The following UNC45B variants were observed in gnomAD, a reference collection of about 807,000 sequenced individuals.
UNC45B encodes unc-45 myosin chaperone B, also known as protein unc-45 homolog B.
In UNC45B, 78 loss-of-function variants were observed where a neutral mutation model predicts 98.7. That is an observed-to-expected ratio of 0.79 (90% CI 0.66 to 0.95). The LOEUF (loss-of-function observed/expected upper bound fraction) is 0.95, where lower values mean the gene tolerates loss of function less well. Ranked by LOEUF, UNC45B falls within the 40% of genes least tolerant of loss-of-function variation. UNC45B has a pLI of 0.00. For synonymous variants in UNC45B, 462 were observed against 480.4 expected (o/e 0.96, Z 0.50); for missense variants, 1,225 against 1,184.9 (o/e 1.03, Z -0.50).
chr17:35,155,760 G>C (rs1370899337), intron 7 of UNC45B, among the ~76,000 whole-genome samples: 1 of 152,136 alleles, frequency 6.6e-6, no homozygotes, highest in East Asian at 1.9e-4. Flanking sequence ...AGTAGAGACA[G>C]GGTTTCTTCA....
At position 35,183,553 on chromosome 17, in the gene UNC45B, A is replaced by G; in HGVS notation, c.2500A>G (p.Lys834Glu). 6.3e-7 allele frequency: 1 copy of G among 1,585,092 alleles called. No homozygotes were observed. The highest frequency in any genetic ancestry group is 8.6e-7 in the Non-Finnish European group (1 of 1,165,600). The change falls in exon 19 of 20, where the codon AAG becomes GAG. Residue 834 changes from lysine (K) to glutamate (E), a missense_variant. Transcript: ENST00000394570. ...TCTGGCCATGCTGACAGCAGCACAC[A>G]AGAAACTGTGCCTCAAGATGACTCA... ...GALAMLTAAHKKLCLKMTQVT... is the reference protein window; with the variant it reads ...GALAMLTAAHEKLCLKMTQVT...
intron 12 of UNC45B, among the ~76,000 whole-genome samples, chr17:35,170,535 A>G (rs1268237673): frequency 1.3e-5 from 2 of 150,416 alleles, no homozygotes; most frequent in Non-Finnish European, 3.0e-5. Flanking sequence ...CAGCTAAAAA[A>G]AAAAAAAAAA....
chr17:35,160,241 T>A (rs2092093334), intron 8 of UNC45B, among the ~76,000 whole-genome samples: 1 of 152,208 alleles, frequency 6.6e-6, no homozygotes, highest in South Asian at 2.1e-4. Context: ...TTACATAAGA[T>A]AAGGTGAACA....
chr17:35,169,189 G>A (rs1329349519), intron 10 of UNC45B, among the ~76,000 whole-genome samples: 1 of 151,752 alleles, frequency 6.6e-6, no homozygotes, highest in Non-Finnish European at 1.5e-5. Context: ...ACAGATGCCT[G>A]CCACCACACC....
In UNC45B at chr17:35,186,304, C is replaced by A. The variant is rs201746299; in HGVS notation, c.2535C>A (p.Thr845=). 2 of 1,613,894 alleles carry A rather than the reference C, an allele frequency of 1.2e-6. No homozygotes were observed. Among genetic ancestry groups the A allele is most frequent in the East Asian group, 2.2e-5 (1 of 44,884 alleles). The change falls in exon 20 of 20, where the codon ACC becomes ACA. Residue 845 remains threonine, a synonymous_variant. Transcript: ENST00000394570. ...ACCTTTTTCCCTGCCTCCAGACAAC[C>A]CAGTGGTTGGAGATCCTCCAGCGGC... The part of the protein sequence containing the change: ...KLCLKMTQVT[T]QWLEILQRLC...
At position 35,186,481 on chromosome 17, in the gene UNC45B, G is replaced by A; in HGVS notation, c.2712G>A (p.Lys904=). The A allele has an allele frequency of 6.2e-7, 1 of 1,614,240 alleles. No homozygotes were observed. Among genetic ancestry groups the A allele is most frequent in the Non-Finnish European group, 8.5e-7 (1 of 1,180,048 alleles). Residue 904 remains lysine (K), a synonymous_variant, in exon 20 of 20, where the codon AAG becomes AAA. Transcript: ENST00000394570. The stretch of plus-strand genomic sequence containing the variant: ...TGGGCAAACAGGAGCCAGATGAGAA[G>A]AAGGCAGAAGTGGTTCAGACAGCCC... ...TVVGKQEPDE[K]KAEVVQTARE...
intron 9 of UNC45B, among the ~76,000 whole-genome samples, chr17:35,167,174 C>T (rs962447267): frequency 6.6e-6 from 1 of 152,206 alleles, no homozygotes; most frequent in African/African-American, 2.4e-5. Context: ...CACGCTAGGC[C>T]TTTTTGTGTT....
Position 35,186,628 on chromosome 17 carries a change from T to C in UNC45B, c.*69T>C, listed in dbSNP as rs773151828. 2 of 1,561,338 alleles carry C rather than the reference T, an allele frequency of 1.3e-6. No individual in the cohort carries two copies. Among genetic ancestry groups the C allele is most frequent in the African/African-American group, 1.4e-5 (1 of 73,744 alleles). On this transcript the variant is annotated 3_prime_UTR_variant, in exon 20 of 20. Transcript: ENST00000394570. Reference sequence around the variant, plus strand: ...GAGTCCTGGGTTGGTTGGGTTCTCCTGAAGAGTCAGGTCATCTAGGGATCA... The same window carrying C: ...GAGTCCTGGGTTGGTTGGGTTCTCCCGAAGAGTCAGGTCATCTAGGGATCA...
rs140495399 is a variant in UNC45B, at chr17:35,180,604, C to A, written c.2301C>A (p.Tyr767Ter). The change falls in exon 18 of 20, where the codon TAC (tyrosine) becomes TAA (stop). Residue 767 changes from tyrosine (Y) to a stop codon, truncating the protein, a stop_gained. Coordinates refer to ENST00000394570, the MANE Select transcript of UNC45B (RefSeq NM_001267052.2). LOFTEE classifies it high-confidence loss of function. ...KERALPDIEN[Y>*]MFENHDQLRQ... ...GGGCCTTGCCAGACATCGAGAACTA[C>A]ATGTTTGAGAATCATGATCAGCTGC... is the stretch of plus-strand genomic sequence containing the variant. 6.2e-7 allele frequency: 1 copy of A among 1,613,954 alleles called. No homozygotes were observed. The highest frequency in any genetic ancestry group is 8.5e-7 in the Non-Finnish European group (1 of 1,179,956).
chr17:35,186,671 T>A lies in UNC45B; in HGVS notation c.*112T>A. The A allele has an allele frequency of 7.9e-7, 1 of 1,262,338 alleles. No individual in the cohort carries two copies. Among genetic ancestry groups the A allele is most frequent in the Non-Finnish European group, 1.1e-6 (1 of 912,876 alleles). The allele number at this position is 1,262,338 out of a possible 1,614,324, so 78.2% of individuals were successfully genotyped here. A position where few individuals can be genotyped will look rare whatever the true frequency, so the allele number is the denominator to read the frequency against. On this transcript the variant is annotated 3_prime_UTR_variant, in exon 20 of 20. Transcript: ENST00000394570. ...AGGGATCATAGCAGTGACAATGAAGTCTCAATATAAAGGAAAGACTTGATT... is the reference window on the plus strand; with the variant it reads ...AGGGATCATAGCAGTGACAATGAAGACTCAATATAAAGGAAAGACTTGATT...
Position 35,180,746 on chromosome 17 carries a change from T to A in UNC45B, c.2373+70T>A, listed in dbSNP as rs546690680. On this transcript the variant is annotated intron_variant, in intron 18 of 19. Coordinates refer to ENST00000394570, the MANE Select transcript of UNC45B (RefSeq NM_001267052.2). Reference sequence around the variant, plus strand: ...CGAGAGGCAGGCCAGGGTCAGGGCCTGGGGTGAGATCGGGAGCTCTTATGA... The same window carrying A: ...CGAGAGGCAGGCCAGGGTCAGGGCCAGGGGTGAGATCGGGAGCTCTTATGA... The A allele has an allele frequency of 7.4e-6, 9 of 1,216,618 alleles. No individual in the cohort carries two copies. The East Asian group carries it at 2.2e-4, about 29-fold the overall frequency. The allele number at this position is 1,216,618 out of a possible 1,614,324, so 75.4% of individuals were successfully genotyped here.
intron 17 of UNC45B, 54 bp downstream of exon 17, chr17:35,177,664 T>C: frequency 7.4e-7 from 1 of 1,351,996 alleles, no homozygotes; most frequent in South Asian, 1.3e-5. Flanking sequence ...AAAGTGTTTG[T>C]TTGAAATTTC....
chr17:35,148,492 C>T, intron 2 of UNC45B, 61 bp downstream of exon 2: 1 of 1,555,062 alleles, frequency 6.4e-7, no homozygotes, highest in Non-Finnish European at 8.7e-7. Context: ...GGCTGAGTGG[C>T]AGCCCCTTCA....
intron 18 of UNC45B, among the ~76,000 whole-genome samples, chr17:35,181,260 C>T (rs910155915): frequency 1.3e-5 from 2 of 152,162 alleles, no homozygotes; most frequent in Non-Finnish European, 2.9e-5. Flanking sequence ...ACAAATGATA[C>T]CCATCTGGTG....
Position 35,159,581 on chromosome 17 carries a change from CT to C in UNC45B, c.979+40del, listed in dbSNP as rs138758362. ...GGGAAGGTTTGGGGCTTGCTCAAGCCTTTTAAGTGGGCACCAGGGCACTGAA... is the reference window on the plus strand; with the variant it reads ...GGGAAGGTTTGGGGCTTGCTCAAGCCTTTAAGTGGGCACCAGGGCACTGAA... On this transcript the variant is annotated intron_variant, in intron 8 of 19. Coordinates refer to ENST00000394570, the MANE Select transcript of UNC45B (RefSeq NM_001267052.2). 1.2e-3 allele frequency: 1,892 copies of C among 1,598,164 alleles called. 11 individuals carry two copies. In the African/African-American group the frequency reaches 0.023, roughly 19 times the overall value.
intron 13 of UNC45B, among the ~76,000 whole-genome samples, chr17:35,173,878 T>A (rs546405357): frequency 2.7e-5 from 4 of 150,548 alleles, no homozygotes; most frequent in Non-Finnish European, 5.9e-5. Flanking sequence ...AGTGGTGCGA[T>A]CTCGGCTCAC....
rs769130919 is a variant in UNC45B at position 35,170,281 on chromosome 17, C to T, written c.1689+26C>T. On this transcript the variant is annotated intron_variant, in intron 12 of 19. Coordinates refer to ENST00000394570, the MANE Select transcript of UNC45B (RefSeq NM_001267052.2). ...GCAGGTGTCGGGGAGTCTGGCCCGACCACAAACCTCAGGAAAGGTCTGCTG... is the reference window on the plus strand; with the variant it reads ...GCAGGTGTCGGGGAGTCTGGCCCGATCACAAACCTCAGGAAAGGTCTGCTG... 3.5e-5 allele frequency: 55 copies of T among 1,579,772 alleles called. No homozygotes were observed. The highest frequency in any genetic ancestry group is 4.4e-5 in the Non-Finnish European group (51 of 1,159,560).
chr17:35,183,359 A>G (rs940349416), intron 18 of UNC45B, 68 bp from the exon 19 acceptor site: 7 of 1,425,834 alleles, frequency 4.9e-6, no homozygotes, highest in Admixed American at 2.6e-5. Context: ...CTTCAGATGT[A>G]TCTTTCCCTC....
intron 7 of UNC45B, among the ~76,000 whole-genome samples, chr17:35,158,125 T>A (rs556750283): frequency 6.6e-6 from 1 of 152,374 alleles, no homozygotes; most frequent in South Asian, 2.1e-4. Flanking sequence ...ATCCTCCTGC[T>A]GTGGCCTCCC....
Sources: allele counts gnomAD v4.1 joint callset (sites outside exome capture counted in the v4.1 genomes callset), GRCh38; gene constraint gnomAD v4.1.1; transcripts MANE v1.5; gene names NCBI Gene and HGNC (gene_info 2026-07-23, HGNC 2026-07-21).